TMTC4: variants seen among roughly 807,000 people sequenced by gnomAD.
TMTC4 encodes transmembrane O-mannosyltransferase targeting cadherins 4.
In TMTC4, 65 loss-of-function variants were observed where a neutral mutation model predicts 86.0. The observed-to-expected ratio is 0.76, with a 90% CI of 0.62 to 0.93. The LOEUF (loss-of-function observed/expected upper bound fraction) is 0.93. Ranked by LOEUF, TMTC4 falls within the 40% of genes least tolerant of loss-of-function variation. The probability of loss-of-function intolerance (pLI) is 0.00; values close to 1 mark genes in which losing one functional copy is unlikely to be tolerated. For missense variants in TMTC4, 866 were observed against 948.1 expected, an observed-to-expected ratio of 0.91 and a Z score of 1.14; for synonymous variants, 379 against 382.5, an observed-to-expected ratio of 0.99 and a Z score of 0.11.
chr13:100,637,399 C>T (rs974949484), intron 9 of TMTC4, 139 bp downstream of exon 9: 12 of 1,164,522 alleles, frequency 1.0e-5, no homozygotes, highest in South Asian at 4.9e-5. Context: ...CTTTAGTGAT[C>T]GCAAGCAAAC....
At chr13:100,668,440 G>T in intron 3 of TMTC4, 139 bp downstream of exon 3, 5 of 831,330 alleles carry the variant, frequency 6.0e-6, no homozygotes, top group Non-Finnish European at 9.3e-6. Context: ...GTTGAAAAGA[G>T]AGAAAAATCG....
chr13:100,641,543 A>G (rs1344136120), intron 7 of TMTC4, among the ~76,000 whole-genome samples: 3 of 151,322 alleles, frequency 2.0e-5, no homozygotes, highest in Non-Finnish European at 4.4e-5. Context: ...GCTAGAGTGC[A>G]ATGGTGCAAT....
intron 2 of TMTC4, among the ~76,000 whole-genome samples, chr13:100,669,866 T>C (rs984726051): frequency 2.0e-5 from 3 of 152,196 alleles, no homozygotes; most frequent in Non-Finnish European, 4.4e-5. Context: ...GGTTCTGACC[T>C]GGGGTACCTC....
intron 6 of TMTC4, among the ~76,000 whole-genome samples, chr13:100,653,328 G>A (rs564482864): frequency 5.3e-5 from 8 of 152,172 alleles, no homozygotes; most frequent in South Asian, 2.1e-4. Context: ...CACTAGCCCC[G>A]GTTCTGGGGT....
intron 3 of TMTC4, among the ~76,000 whole-genome samples, chr13:100,666,726 C>T (rs1272158946): frequency 6.6e-6 from 1 of 152,202 alleles, no homozygotes; most frequent in African/African-American, 2.4e-5. Context: ...GGCATGGTGG[C>T]TTGCGCTTGC....
chr13:100,634,190 C>T (rs903975621), intron 12 of TMTC4, among the ~76,000 whole-genome samples: 1 of 151,016 alleles, frequency 6.6e-6, no homozygotes, highest in African/African-American at 2.4e-5. Flanking sequence ...CATATATATG[C>T]AATATGCGGT....
chr13:100,653,631 G>A (rs1178471833), intron 6 of TMTC4, among the ~76,000 whole-genome samples: 1 of 152,216 alleles, frequency 6.6e-6, no homozygotes. Context: ...CCAGGCCTGT[G>A]ATGGAATTGA....
chr13:100,657,685 A>G (rs937259669), intron 5 of TMTC4, among the ~76,000 whole-genome samples: 2 of 152,238 alleles, frequency 1.3e-5, no homozygotes, highest in African/African-American at 4.8e-5. Flanking sequence ...CCCTTCCCAA[A>G]GGATGGGGAT....
intron 7 of TMTC4, 59 bp downstream of exon 7, chr13:100,642,152 T>G (rs1029473620): frequency 1.1e-5 from 18 of 1,573,702 alleles, no homozygotes; most frequent in Admixed American, 1.7e-5. Context: ...CCAGATGTCT[T>G]TATAGGAGGG....
At chr13:100,616,021 T>C (rs914236498) in intron 15 of TMTC4, among the ~76,000 whole-genome samples, 14 of 152,122 alleles carry the variant, frequency 9.2e-5, no homozygotes, top group Admixed American at 6.5e-4. Context: ...TTCCTTAGGA[T>C]AGTGGCCTCC....
At chr13:100,660,422 T>C (rs1441618946) in intron 5 of TMTC4, among the ~76,000 whole-genome samples, 2 of 151,838 alleles carry the variant, frequency 1.3e-5, no homozygotes, top group African/African-American at 4.8e-5. Context: ...TCCTAATAAA[T>C]GTACACTGAG....
intron 5 of TMTC4, among the ~76,000 whole-genome samples, chr13:100,660,808 C>T (rs550276388): frequency 6.6e-6 from 1 of 152,228 alleles, no homozygotes; most frequent in South Asian, 2.1e-4. Context: ...GGCATACCAC[C>T]ATGCCCGGCT....
At chr13:100,609,680 T>TAC (rs60083702) in intron 17 of TMTC4, among the ~76,000 whole-genome samples, 17,912 of 150,728 alleles carry the variant, frequency 0.12, 1,381 homozygotes, top group Middle Eastern at 0.22. Context: ...TGTATATATA[T>TAC]ACACACACAC....
chr13:100,630,969 T>C (rs984581311), intron 12 of TMTC4, among the ~76,000 whole-genome samples: 1 of 152,136 alleles, frequency 6.6e-6, no homozygotes, highest in East Asian at 1.9e-4. Context: ...ATGGGTTAGG[T>C]GGAGGGAATT....
intron 16 of TMTC4, 113 bp from the exon 17 acceptor site, chr13:100,612,623 C>A: frequency 7.9e-6 from 5 of 630,760 alleles, no homozygotes; most frequent in South Asian, 1.7e-5. Context: ...TATGAATAAA[C>A]TACTTAAGAA....
intron 7 of TMTC4, chr13:100,638,233 A>C: frequency 2.0e-6 from 1 of 488,710 alleles, no homozygotes; most frequent in East Asian, 3.3e-5. Flanking sequence ...TTATTTAGTA[A>C]GCCCCTGATA....
At chr13:100,660,713 G>A (rs559569258) in intron 5 of TMTC4, among the ~76,000 whole-genome samples, 8 of 151,340 alleles carry the variant, frequency 5.3e-5, no homozygotes, top group Non-Finnish European at 1.2e-4. Context: ...GAGTGCAGTG[G>A]CATGGTCTTG....
chr13:100,615,534 C>T (rs72661057), intron 15 of TMTC4, among the ~76,000 whole-genome samples: 3,035 of 152,218 alleles, frequency 0.02, 40 homozygotes, highest in Non-Finnish European at 0.032. Flanking sequence ...CTCACTGCAA[C>T]GTCTGCCTCC....
chr13:100,605,507 C>CAGAG lies in TMTC4; in HGVS notation c.2135-369_2135-366dup, dbSNP rs1008695487. Among the ~76,000 whole-genome samples, 6 of 152,246 alleles carry CAGAG rather than the reference C, an allele frequency of 3.9e-5. No homozygotes were observed. Among genetic ancestry groups the CAGAG allele is most frequent in the African/African-American group, 1.2e-4 (5 of 41,542 alleles). On this transcript the variant is annotated intron_variant, in intron 18 of 18. Coordinates refer to ENST00000342624, the MANE Select transcript of TMTC4 (RefSeq NM_032813.5). This position sits in a 1 kb window ranked among gnomAD's most constrained non-coding sequence, Gnocchi z 4.3. ...GGGGTGATGGATGCTAGGCACTGCC[C>CAGAG]AGAGCCCTGACTATGCAGAAGTTCA...
Sources: allele counts gnomAD v4.1 joint callset (sites outside exome capture counted in the v4.1 genomes callset), GRCh38; gene constraint gnomAD v4.1.1; non-coding constraint Gnocchi (gnomAD v3.1); transcripts MANE v1.5; gene names NCBI Gene and HGNC (gene_info 2026-07-23, HGNC 2026-07-21).